Variants in THSD4 observed in about 807,000 individuals in gnomAD.
THSD4 encodes thrombospondin type 1 domain containing 4.
Under a neutral mutation model 119.0 loss-of-function variants are expected in THSD4, and 69 were observed. That is an observed-to-expected ratio of 0.58 (90% CI 0.48 to 0.71). The LOEUF (loss-of-function observed/expected upper bound fraction) is 0.71, where lower values mean the gene tolerates loss of function less well. Ranked by LOEUF, THSD4 falls within the 30% of genes least tolerant of loss-of-function variation. The pLI, the probability that THSD4 is intolerant of heterozygous loss-of-function variation, is 0.00. For synonymous variants in THSD4, 524 were observed against 540.4 expected, an observed-to-expected ratio of 0.97 and a Z score of 0.42; for missense variants, 1,393 against 1,391.1, an observed-to-expected ratio of 1.00 and a Z score of -0.02.
intron 8 of THSD4, among the ~76,000 whole-genome samples, chr15:71,696,751 C>T (rs1198326255): frequency 5.3e-5 from 8 of 152,140 alleles, no homozygotes; most frequent in Non-Finnish European, 1.0e-4. Context: ...AATACCAAAT[C>T]CAAGCACAGG....
intron 6 of THSD4, among the ~76,000 whole-genome samples, chr15:71,393,647 C>T (rs117032604): frequency 3.9e-5 from 6 of 152,274 alleles, no homozygotes; most frequent in African/African-American, 1.2e-4. Flanking sequence ...GGGATTGTAT[C>T]TATTCATCCC....
At chr15:71,754,078 T>C (rs1365583315) in intron 14 of THSD4, among the ~76,000 whole-genome samples, 2 of 123,796 alleles carry the variant, frequency 1.6e-5, no homozygotes, top group African/African-American at 3.0e-5. Flanking sequence ...TACCTTTTAT[T>C]CTTTTTTTTT....
At chr15:71,532,476 A>ATT (rs58655409) in intron 7 of THSD4, among the ~76,000 whole-genome samples, 23 of 148,060 alleles carry the variant, frequency 1.6e-4, no homozygotes, top group African/African-American at 5.4e-4. Context: ...ATGCCCAGCA[A>ATT]TTTTTTTTTT....
intron 7 of THSD4, among the ~76,000 whole-genome samples, chr15:71,632,273 C>G (rs2050646038): frequency 6.6e-6 from 1 of 152,144 alleles, no homozygotes. Flanking sequence ...TTCTGTACCA[C>G]CAGTCACCCT....
intron 6 of THSD4, among the ~76,000 whole-genome samples, chr15:71,382,957 C>T (rs2046246378): frequency 6.6e-6 from 1 of 152,138 alleles, no homozygotes; most frequent in African/African-American, 2.4e-5. Context: ...GACTTTAAGA[C>T]ATTAAGTTAC....
intron 7 of THSD4, among the ~76,000 whole-genome samples, chr15:71,504,564 G>C (rs1389617220): frequency 1.3e-5 from 2 of 152,140 alleles, no homozygotes; most frequent in African/African-American, 2.4e-5. Flanking sequence ...CAAATACAAG[G>C]AGTTTGAGAA....
chr15:71,766,440 G>C (rs1416325563), intron 16 of THSD4, among the ~76,000 whole-genome samples: 1 of 152,024 alleles, frequency 6.6e-6, no homozygotes, highest in Non-Finnish European at 1.5e-5. Flanking sequence ...GTGATCCAAG[G>C]GTGATAAAAG....
intron 8 of THSD4, among the ~76,000 whole-genome samples, chr15:71,684,382 A>C (rs547220573): frequency 6.6e-6 from 1 of 152,092 alleles, no homozygotes; most frequent in Non-Finnish European, 1.5e-5. Flanking sequence ...TCCTTAACCT[A>C]TCTCTGATTT....
chr15:71,161,641 G>A (rs1289898045), intron 3 of THSD4, among the ~76,000 whole-genome samples: 5 of 151,688 alleles, frequency 3.3e-5, no homozygotes, highest in African/African-American at 4.8e-5. Context: ...CTTTAATGGC[G>A]AGGTGAGTTT....
intron 7 of THSD4, among the ~76,000 whole-genome samples, chr15:71,423,223 C>A (rs1213245128): frequency 6.6e-6 from 1 of 152,134 alleles, no homozygotes; most frequent in Non-Finnish European, 1.5e-5. Context: ...GACAAAGTCC[C>A]CTTTACTCTT....
At chr15:71,735,204 C>T (rs796159585) in intron 10 of THSD4, among the ~76,000 whole-genome samples, 7 of 152,304 alleles carry the variant, frequency 4.6e-5, no homozygotes, top group African/African-American at 1.7e-4. Context: ...ACACTAATTC[C>T]GCTGAGGTGC....
intron 6 of THSD4, among the ~76,000 whole-genome samples, chr15:71,361,753 G>GA (rs769096764): frequency 1.3e-5 from 2 of 152,052 alleles, no homozygotes; most frequent in South Asian, 2.1e-4. Context: ...TGCTATGGGA[G>GA]AAAAAACGGG....
At chr15:71,326,117 G>T (rs972436548) in intron 6 of THSD4, among the ~76,000 whole-genome samples, 1 of 152,180 alleles carries the variant, frequency 6.6e-6, no homozygotes, top group Non-Finnish European at 1.5e-5. Flanking sequence ...AGTAGATGGC[G>T]TGAGAGAAAG....
intron 6 of THSD4, chr15:71,341,591 A>G (rs758048377): frequency 2.3e-5 from 37 of 1,596,332 alleles, no homozygotes; most frequent in Admixed American, 1.5e-4. Context: ...GGCTTTTCGT[A>G]TATGCATACC....
At chr15:71,637,745 G>A (rs2050774504) in intron 7 of THSD4, among the ~76,000 whole-genome samples, 2 of 150,416 alleles carry the variant, frequency 1.3e-5, no homozygotes, top group Non-Finnish European at 3.0e-5. Context: ...TTTTTTTTGA[G>A]ACGGAGTTTA....
At chr15:71,430,518 G>A (rs1164755924) in intron 7 of THSD4, among the ~76,000 whole-genome samples, 1 of 152,066 alleles carries the variant, frequency 6.6e-6, no homozygotes, top group Admixed American at 6.5e-5. Context: ...CTCAGACTAC[G>A]TCTGTAATAA....
At position 71,369,430 on chromosome 15, in the gene THSD4, G is replaced by A. The variant is rs143251159; in HGVS notation, c.1016-42257G>A. On this transcript the variant is annotated intron_variant, in intron 6 of 17. Coordinates refer to ENST00000261862, the MANE Select transcript of THSD4 (RefSeq NM_024817.3). ...ATTGGCTGTGGGATTGTCATGGATAGCTCTTATTATTTTGAGATACGTCCC... is the reference window on the plus strand; with the variant it reads ...ATTGGCTGTGGGATTGTCATGGATAACTCTTATTATTTTGAGATACGTCCC... Among the ~76,000 whole-genome samples, 547 of 152,232 alleles carry A rather than the reference G, an allele frequency of 3.6e-3. 1 individual carries two copies. The highest frequency in any genetic ancestry group is 0.013 in the African/African-American group (532 of 41,536).
At chr15:71,749,597 A>C (rs1223243907) in intron 14 of THSD4, among the ~76,000 whole-genome samples, 1 of 152,112 alleles carries the variant, frequency 6.6e-6, no homozygotes, top group Non-Finnish European at 1.5e-5. Context: ...TTACCTGTGA[A>C]CCGCATTAAA....
intron 7 of THSD4, among the ~76,000 whole-genome samples, chr15:71,596,508 CCATT>C (rs2049910173): frequency 6.6e-6 from 1 of 152,238 alleles, no homozygotes; most frequent in East Asian, 1.9e-4. Context: ...AACTGAGTTG[CCATT>C]CAGATTGTCC....
Sources: gnomAD v4.1 joint callset for allele counts (sites outside exome capture counted in the v4.1 genomes callset) on GRCh38, gnomAD v4.1.1 for gene constraint, MANE v1.5 for transcripts, NCBI Gene and HGNC (gene_info 2026-07-23, HGNC 2026-07-21) for gene names.